Variants in CSNK1G1 observed in about 807,000 individuals in gnomAD.
CSNK1G1 encodes casein kinase 1 gamma 1.
CSNK1G1 carries 22 observed loss-of-function variants against 59.6 expected under a neutral mutation model. The ratio of observed to expected loss-of-function variants is 0.37; its 90% CI spans 0.26 to 0.53. The LOEUF is 0.53. Ranked by LOEUF, CSNK1G1 falls within the 20% of genes least tolerant of loss-of-function variation. The probability of loss-of-function intolerance (pLI) is 0.89; values close to 1 mark genes in which losing one functional copy is unlikely to be tolerated. For synonymous variants in CSNK1G1, 179 were observed against 177.1 expected (o/e 1.01, Z -0.08); for missense variants, 384 against 519.5 (o/e 0.74, Z 2.54).
At chr15:64,323,784 T>C (rs1342633498) in intron 1 of CSNK1G1, among the ~76,000 whole-genome samples, 2 of 152,196 alleles carry the variant, frequency 1.3e-5, no homozygotes, top group African/African-American at 4.8e-5. Flanking sequence ...TCTCACTCTA[T>C]AGCTATGTGG....
At chr15:64,276,456 C>T (rs1006609930) in intron 2 of CSNK1G1, among the ~76,000 whole-genome samples, 3 of 152,046 alleles carry the variant, frequency 2.0e-5, no homozygotes, top group Non-Finnish European at 4.4e-5. Context: ...GTAAATATTT[C>T]ATTATGGGTC....
At chr15:64,284,004 A>C (rs1894279874) in intron 2 of CSNK1G1, among the ~76,000 whole-genome samples, 1 of 151,952 alleles carries the variant, frequency 6.6e-6, no homozygotes, top group Admixed American at 6.6e-5. Context: ...ACTTTGGGTT[A>C]ATTTTTTATT....
At chr15:64,291,271 G>C (rs760102813) in intron 2 of CSNK1G1, among the ~76,000 whole-genome samples, 1 of 152,162 alleles carries the variant, frequency 6.6e-6, no homozygotes, top group Non-Finnish European at 1.5e-5. Context: ...TTTTGAACTA[G>C]AGAAGAAATA....
intron 1 of CSNK1G1, among the ~76,000 whole-genome samples, chr15:64,339,107 A>G (rs1015628209): frequency 1.3e-5 from 2 of 152,180 alleles, no homozygotes; most frequent in Non-Finnish European, 2.9e-5. Context: ...GGGCTACAGG[A>G]AAAGAATTAG....
rs2081942293 is a variant in CSNK1G1, at chr15:64,189,569, G to C, written c.1108-9115C>G. 5.0e-6 allele frequency: 4 copies of C among 801,696 alleles called. No homozygotes were observed. The Admixed American group carries it at 1.1e-4, about 23-fold the overall frequency. The allele number at this position is 801,696 out of a possible 1,614,324, so 49.7% of individuals were successfully genotyped here. On this transcript the variant is annotated intron_variant, in intron 10 of 11. Transcript: ENST00000303052. ...ATTGCTGCTGATATAAACAGCTGCAGGGGTTAGGATGTGATATTGCTGCTC... is the reference window on the plus strand; with the variant it reads ...ATTGCTGCTGATATAAACAGCTGCACGGGTTAGGATGTGATATTGCTGCTC...
chr15:64,222,960 T>C (rs972217895), intron 4 of CSNK1G1, among the ~76,000 whole-genome samples: 2 of 152,238 alleles, frequency 1.3e-5, no homozygotes, highest in Admixed American at 6.5e-5. Flanking sequence ...GTTAAAAAGA[T>C]TTCTCTGTTT....
intron 1 of CSNK1G1, among the ~76,000 whole-genome samples, chr15:64,302,562 GA>G (rs1360007689): frequency 6.6e-6 from 1 of 152,082 alleles, no homozygotes; most frequent in Non-Finnish European, 1.5e-5. Context: ...ACAACATTAA[GA>G]ATTCATATTT....
rs201972109 is a variant in CSNK1G1 at position 64,170,945 on chromosome 15, G to A, written c.*986C>T. On this transcript the variant is annotated 3_prime_UTR_variant, in exon 12 of 12. Coordinates refer to ENST00000303052, the MANE Select transcript of CSNK1G1 (RefSeq NM_022048.5). ...GCTGAGAAGATGAATGAAAATTCAAGTATGTTTTCTTGCCAACCTGAGTGT... is the reference window on the plus strand; with the variant it reads ...GCTGAGAAGATGAATGAAAATTCAAATATGTTTTCTTGCCAACCTGAGTGT... 1 of 152,520 alleles carries A rather than the reference G, an allele frequency of 6.6e-6. No homozygotes were observed. The highest frequency in any genetic ancestry group is 1.5e-5 in the Non-Finnish European group (1 of 68,032). 9.4% of individuals were successfully genotyped at this position (152,520 alleles called of 1,614,324 possible).
rs11371950 is a variant in CSNK1G1, at chr15:64,311,677, G to GAAAAAAAA, written c.-224-10962_-224-10955dup. ...AGAGCCAGTCTTTTTTAAAAAAAGTGAAAAAAAAAAAAAAAAAAAAAGCCA... is the reference window on the plus strand; with the variant it reads ...AGAGCCAGTCTTTTTTAAAAAAAGTGAAAAAAAAAAAAAAAAAAAAAAAAAAAAAGCCA... On this transcript the variant is annotated intron_variant, in intron 1 of 11. Coordinates refer to ENST00000303052, the MANE Select transcript of CSNK1G1 (RefSeq NM_022048.5). Among the ~76,000 whole-genome samples, 5 of 108,156 alleles carry GAAAAAAAA rather than the reference G, an allele frequency of 4.6e-5. 1 individual carries two copies. Among genetic ancestry groups the GAAAAAAAA allele is most frequent in the African/African-American group, 7.0e-5 (2 of 28,664 alleles). The allele number at this position is 108,156 out of a possible 152,430, so 71.0% of individuals were successfully genotyped here. A position where few individuals can be genotyped will look rare whatever the true frequency, so the allele number is the denominator to read the frequency against.
At chr15:64,185,482 C>T (rs2081880043) in intron 10 of CSNK1G1, among the ~76,000 whole-genome samples, 1 of 152,164 alleles carries the variant, frequency 6.6e-6, no homozygotes, top group South Asian at 2.1e-4. Flanking sequence ...GCCAAGGAAG[C>T]TGGTAAAACT....
At chr15:64,242,112 G>A (rs1275597566) in intron 4 of CSNK1G1, among the ~76,000 whole-genome samples, 2 of 152,060 alleles carry the variant, frequency 1.3e-5, no homozygotes, top group Admixed American at 1.3e-4. Context: ...TAATGGAAAT[G>A]GATAAATTCC....
intron 3 of CSNK1G1, among the ~76,000 whole-genome samples, chr15:64,253,857 T>A (rs1892221070): frequency 6.6e-6 from 1 of 152,112 alleles, no homozygotes; most frequent in African/African-American, 2.4e-5. Flanking sequence ...AAGTACCCAG[T>A]AGCCAGGCGC....
chr15:64,302,061 T>G (rs1895376509), intron 1 of CSNK1G1, among the ~76,000 whole-genome samples: 1 of 152,190 alleles, frequency 6.6e-6, no homozygotes, highest in Non-Finnish European at 1.5e-5. Flanking sequence ...ACTGTACAAG[T>G]GGGCACATAA....
At chr15:64,333,896 TAG>T (rs1566951426) in intron 1 of CSNK1G1, among the ~76,000 whole-genome samples, 1 of 152,142 alleles carries the variant, frequency 6.6e-6, no homozygotes, top group East Asian at 1.9e-4. Context: ...TCTAGATTCA[TAG>T]AACAATTACT....
chr15:64,199,366 G>C (rs181851971), intron 10 of CSNK1G1, among the ~76,000 whole-genome samples: 1 of 151,740 alleles, frequency 6.6e-6, no homozygotes, highest in Non-Finnish European at 1.5e-5. Context: ...AAATACAGAT[G>C]AGATTTTCCT....
intron 2 of CSNK1G1, among the ~76,000 whole-genome samples, chr15:64,289,526 C>T (rs1414177979): frequency 6.6e-6 from 1 of 151,940 alleles, no homozygotes; most frequent in Non-Finnish European, 1.5e-5. Flanking sequence ...ATCTCATATA[C>T]ATTTGATATT....
chr15:64,178,486 T>TTTC (rs1233392128), intron 11 of CSNK1G1, among the ~76,000 whole-genome samples: 1 of 145,400 alleles, frequency 6.9e-6, no homozygotes, highest in African/African-American at 2.6e-5. Flanking sequence ...AATTTTCTTT[T>TTTC]TTTTTTTTTT....
rs866190381 is a variant in CSNK1G1 at position 64,267,536 on chromosome 15, A to G, written c.182-8295T>C. ...GACATTTCTCAAAAGAAGACATTCA[A>G]ATGGCTAGCAGATACATGACAAAAT... On this transcript the variant is annotated intron_variant, in intron 2 of 11. Coordinates refer to ENST00000303052, the MANE Select transcript of CSNK1G1 (RefSeq NM_022048.5). Among the ~76,000 whole-genome samples, 8 of 152,316 alleles carry G rather than the reference A, an allele frequency of 5.3e-5. 1 individual carries two copies. The highest frequency in any genetic ancestry group is 1.7e-4 in the African/African-American group (7 of 41,570).
chr15:64,300,544 G>C lies in CSNK1G1; in HGVS notation c.-45C>G. 1 of 1,584,674 alleles carries C rather than the reference G, an allele frequency of 6.3e-7. No homozygotes were observed. Among genetic ancestry groups the C allele is most frequent in the Non-Finnish European group, 8.6e-7 (1 of 1,164,060 alleles). On this transcript the variant is annotated 5_prime_UTR_variant, in exon 2 of 12. Coordinates refer to ENST00000303052, the MANE Select transcript of CSNK1G1 (RefSeq NM_022048.5). The stretch of plus-strand genomic sequence containing the variant: ...TCCTATAGTACAGCAAGTAGCTTCA[G>C]TATGTATACCTCTCTTCAATACAAA...
Sources: gnomAD v4.1 joint callset for allele counts (sites outside exome capture counted in the v4.1 genomes callset) on GRCh38, gnomAD v4.1.1 for gene constraint, MANE v1.5 for transcripts, NCBI Gene and HGNC (gene_info 2026-07-23, HGNC 2026-07-21) for gene names.